MINK1: variants seen among roughly 807,000 people sequenced by gnomAD.
MINK1 encodes misshapen like kinase 1.
A neutral mutation model predicts 178.4 loss-of-function variants in MINK1; 46 were observed. That is an observed-to-expected ratio of 0.26 (90% CI 0.20 to 0.33). MINK1 has a LOEUF of 0.33. Among genes scored for constraint, MINK1 ranks in the 10% least tolerant of loss-of-function variants. The pLI, the probability that MINK1 is intolerant of heterozygous loss-of-function variation, is 1.00. For missense variants in MINK1, 1,366 were observed against 1,814.9 expected (o/e 0.75, Z 4.49); for synonymous variants, 797 against 709.7 (o/e 1.12, Z -1.96).
chr17:4,895,661 G>C lies in MINK1; in HGVS notation c.3230-37G>C. On this transcript the variant is annotated intron_variant, in intron 26 of 31. Coordinates refer to ENST00000355280, the MANE Select transcript of MINK1 (RefSeq NM_153827.5). This position sits in a 1 kb window ranked among gnomAD's most constrained non-coding sequence, Gnocchi z 4.3. ...GCGGTGGCATTCGGGCCTCAGATGA[G>C]AATGGGGGCGGGTGTGTATGTCTGT... The C allele has an allele frequency of 1.9e-6, 3 of 1,607,168 alleles. No homozygotes were observed. Among genetic ancestry groups the C allele is most frequent in the African/African-American group, 1.3e-5 (1 of 74,954 alleles).
chr17:4,894,752 C>T lies in MINK1; in HGVS notation c.2917+119C>T. ...TAGCCACAGGACCTCTCCCTTGGGCCCTAGCACCTGCCTGGGCACAGAGGC... is the reference window on the plus strand; with the variant it reads ...TAGCCACAGGACCTCTCCCTTGGGCTCTAGCACCTGCCTGGGCACAGAGGC... On this transcript the variant is annotated intron_variant, in intron 24 of 31. Coordinates refer to ENST00000355280, the MANE Select transcript of MINK1 (RefSeq NM_153827.5). This position sits in a 1 kb window ranked among gnomAD's most constrained non-coding sequence, Gnocchi z 4.1. 1 of 790,646 alleles carries T rather than the reference C, an allele frequency of 1.3e-6. No homozygotes were observed. 49.0% of individuals were successfully genotyped at this position (790,646 alleles called of 1,614,324 possible).
rs560706815 is a variant in MINK1, at chr17:4,895,942, G to A, written c.3365-61G>A. 6.6e-5 allele frequency: 104 copies of A among 1,568,720 alleles called. 1 individual carries two copies. In the South Asian group the frequency reaches 8.6e-4, roughly 13 times the overall value. On this transcript the variant is annotated intron_variant, in intron 27 of 31. Transcript: ENST00000355280. This position sits in a 1 kb window ranked among gnomAD's most constrained non-coding sequence, Gnocchi z 4.3. ...GTGGGGCAGTGTAGTGACAGACCACGGGGAGGCGCCCGTGGCGCAAGAAGG... is the reference window on the plus strand; with the variant it reads ...GTGGGGCAGTGTAGTGACAGACCACAGGGAGGCGCCCGTGGCGCAAGAAGG...
chr17:4,877,203 A>T (rs1191488123), intron 1 of MINK1, among the ~76,000 whole-genome samples: 2 of 151,972 alleles, frequency 1.3e-5, no homozygotes, highest in East Asian at 1.9e-4. Flanking sequence ...TCTCTCAAAA[A>T]AAAAAGGTTC....
At chr17:4,861,238 C>G (rs1266078930) in intron 1 of MINK1, among the ~76,000 whole-genome samples, 1 of 152,192 alleles carries the variant, frequency 6.6e-6, no homozygotes, top group African/African-American at 2.4e-5. Flanking sequence ...CTGGTGTGGC[C>G]AGTGCCTTGC....
intron 4 of MINK1, among the ~76,000 whole-genome samples, chr17:4,884,157 G>A (rs1967984187): frequency 6.6e-6 from 1 of 151,440 alleles, no homozygotes; most frequent in Non-Finnish European, 1.5e-5. Context: ...ATGAGCCACC[G>A]CACCCAGCCT....
At chr17:4,862,713 G>A (rs1168815381) in intron 1 of MINK1, among the ~76,000 whole-genome samples, 1 of 151,918 alleles carries the variant, frequency 6.6e-6, no homozygotes, top group Admixed American at 6.6e-5. Context: ...GTGCCAGGCT[G>A]TCAATATTAT....
chr17:4,874,061 C>T (rs1300801313), intron 1 of MINK1, among the ~76,000 whole-genome samples: 1 of 152,152 alleles, frequency 6.6e-6, no homozygotes, highest in Non-Finnish European at 1.5e-5. Context: ...TCCACCACAC[C>T]AAGCAGCATT....
chr17:4,885,385 C>T lies in MINK1; in HGVS notation c.509-98C>T, dbSNP rs983035251. ...GGGTGTCTGGGTCGGGCCAGGACCA[C>T]AGCTGGCTCAGGCAAGTCCTGTGTG... On this transcript the variant is annotated intron_variant, in intron 6 of 31. Coordinates refer to ENST00000355280, the MANE Select transcript of MINK1 (RefSeq NM_153827.5). This position sits in a 1 kb window ranked among gnomAD's most constrained non-coding sequence, Gnocchi z 5.0. 1.3e-6 allele frequency: 2 copies of T among 1,525,350 alleles called. No individual in the cohort carries two copies. The highest frequency in any genetic ancestry group is 1.8e-6 in the Non-Finnish European group (2 of 1,119,604). The allele number at this position is 1,525,350 out of a possible 1,614,324, so 94.5% of individuals were successfully genotyped here.
intron 15 of MINK1, 128 bp from the exon 16 acceptor site, chr17:4,891,328 C>T: frequency 7.4e-7 from 1 of 1,342,648 alleles, no homozygotes; most frequent in Non-Finnish European, 1.0e-6. Flanking sequence ...TGTCATCAGG[C>T]TCAAGGAACC....
intron 1 of MINK1, among the ~76,000 whole-genome samples, chr17:4,868,515 G>C (rs1272123326): frequency 6.6e-6 from 1 of 152,116 alleles, no homozygotes; most frequent in Non-Finnish European, 1.5e-5. Flanking sequence ...TGTAATGTCT[G>C]TCTTTCTGTG....
At position 4,833,382 on chromosome 17, in the gene MINK1, T is replaced by C; in HGVS notation, c.-202T>C. ...CGCCTGCGCAGGAGAGGTGGTAGGC[T>C]CGGGTGGCTGGCTCCGGGGAGATAG... On this transcript the variant is annotated 5_prime_UTR_variant, in exon 1 of 32. Coordinates refer to ENST00000355280, the MANE Select transcript of MINK1 (RefSeq NM_153827.5). The surrounding 1 kb of genome is among the most constrained non-coding windows in gnomAD (Gnocchi z 4.8). The C allele has an allele frequency of 1.2e-5, 6 of 510,386 alleles. No homozygotes were observed. Among genetic ancestry groups the C allele is most frequent in the Non-Finnish European group, 2.1e-5 (6 of 290,690 alleles). 31.6% of individuals were successfully genotyped at this position (510,386 alleles called of 1,614,324 possible).
chr17:4,859,156 T>C, intron 1 of MINK1: 1 of 985,436 alleles, frequency 1.0e-6, no homozygotes, highest in Non-Finnish European at 1.2e-6. Flanking sequence ...CAGTCCTTCC[T>C]TGTCTCCACT....
intron 1 of MINK1, chr17:4,868,770 G>T (rs1915420019): frequency 1.1e-5 from 3 of 273,544 alleles, no homozygotes; most frequent in South Asian, 5.4e-5. Context: ...TTTTGAGACA[G>T]GGTCTCACTC....
intron 21 of MINK1, 77 bp downstream of exon 21, chr17:4,893,674 G>A (rs1455984359): frequency 1.4e-6 from 2 of 1,466,512 alleles, no homozygotes; most frequent in African/African-American, 2.8e-5. Context: ...AAGAGGTGGG[G>A]CTTTGGGGCA....
At chr17:4,879,407 C>T (rs781571175) in intron 2 of MINK1, among the ~76,000 whole-genome samples, 1 of 152,236 alleles carries the variant, frequency 6.6e-6, no homozygotes, top group Non-Finnish European at 1.5e-5. Context: ...TTTCCTGTGT[C>T]GCTGAGACCA....
rs142236284 is a variant in MINK1, at chr17:4,893,601, C to A, written c.2564+4C>A. On this transcript the variant is annotated splice_donor_region_variant and intron_variant, in intron 21 of 31. Coordinates refer to ENST00000355280, the MANE Select transcript of MINK1 (RefSeq NM_153827.5). Reference sequence around the variant, plus strand: ...GCAGAGATACCCCTGGGGGCCGGTACGGCATCGGGAGTGGGGCCCTCCCAC... The same window carrying A: ...GCAGAGATACCCCTGGGGGCCGGTAAGGCATCGGGAGTGGGGCCCTCCCAC... 6 of 1,525,364 alleles carry A rather than the reference C, an allele frequency of 3.9e-6. No homozygotes were observed. The South Asian group carries it at 7.6e-5, about 19-fold the overall frequency. The allele number at this position is 1,525,364 out of a possible 1,614,324, so 94.5% of individuals were successfully genotyped here.
rs2151070607 is a variant in MINK1 at position 4,894,990 on chromosome 17, C to T, written c.2918-85C>T. ...CTCCTTTCTGCGTATTATGAGGTGC[C>T]AAGACCTGATATAGGGGATGGAGGT... On this transcript the variant is annotated intron_variant, in intron 24 of 31. Coordinates refer to ENST00000355280, the MANE Select transcript of MINK1 (RefSeq NM_153827.5). This position sits in a 1 kb window ranked among gnomAD's most constrained non-coding sequence, Gnocchi z 4.1. 7.0e-7 allele frequency: 1 copy of T among 1,430,546 alleles called. No individual in the cohort carries two copies. Among genetic ancestry groups the T allele is most frequent in the Non-Finnish European group, 9.6e-7 (1 of 1,042,082 alleles). 88.6% of individuals were successfully genotyped at this position (1,430,546 alleles called of 1,614,324 possible). A position where few individuals can be genotyped will look rare whatever the true frequency, so the allele number is the denominator to read the frequency against.
At chr17:4,837,517 C>T (rs1597363774) in intron 1 of MINK1, among the ~76,000 whole-genome samples, 1 of 152,158 alleles carries the variant, frequency 6.6e-6, no homozygotes, top group East Asian at 1.9e-4. Context: ...TGAGCGATGC[C>T]CTTGAAGTAA....
chr17:4,886,228 A>G lies in MINK1; in HGVS notation c.773+30A>G, dbSNP rs1312500929. On this transcript the variant is annotated intron_variant, in intron 9 of 31. Transcript: ENST00000355280. This position sits in a 1 kb window ranked among gnomAD's most constrained non-coding sequence, Gnocchi z 6.1. ...GTCTCTGAGAGTGTGGGCTCTGGGAAGGAAGGTCCCTGGACAAGGCCATCC... is the reference window on the plus strand; with the variant it reads ...GTCTCTGAGAGTGTGGGCTCTGGGAGGGAAGGTCCCTGGACAAGGCCATCC... 7 of 1,609,218 alleles carry G rather than the reference A, an allele frequency of 4.3e-6. No homozygotes were observed. Among genetic ancestry groups the G allele is most frequent in the Non-Finnish European group, 6.0e-6 (7 of 1,175,514 alleles).
Sources: allele counts gnomAD v4.1 joint callset (sites outside exome capture counted in the v4.1 genomes callset), GRCh38; gene constraint gnomAD v4.1.1; non-coding constraint Gnocchi (gnomAD v3.1); transcripts MANE v1.5; gene names NCBI Gene and HGNC (gene_info 2026-07-23, HGNC 2026-07-21).